RASSF8: variants seen among roughly 807,000 people sequenced by gnomAD.
RASSF8 encodes the protein ras association domain-containing protein 8.
In RASSF8, 22 loss-of-function variants were observed where a neutral mutation model predicts 48.5. The ratio of observed to expected loss-of-function variants is 0.45; its 90% CI spans 0.32 to 0.65. The LOEUF is 0.65. Among genes scored for constraint, RASSF8 ranks in the 30% least tolerant of loss-of-function variants. The pLI, the probability that RASSF8 is intolerant of heterozygous loss-of-function variation, is 0.03. For missense variants in RASSF8, 418 were observed against 489.2 expected (o/e 0.85, Z 1.37); for synonymous variants, 127 against 171.5 (o/e 0.74, Z 2.03).
chr12:26,071,776 A>G lies in RASSF8; in HGVS notation c.*2958A>G, dbSNP rs939640090. ...TTCAAATTAGTCATAAACAAGAGCT[A>G]CAGCAAGACTGATAGAGTAAAAACT... is the stretch of plus-strand genomic sequence containing the variant. On this transcript the variant is annotated 3_prime_UTR_variant, in exon 6 of 6. Coordinates refer to ENST00000689635, the MANE Select transcript of RASSF8 (RefSeq NM_001394098.1). The G allele has an allele frequency of 9.0e-5, 88 of 982,626 alleles. No homozygotes were observed. Among genetic ancestry groups the G allele is most frequent in the Non-Finnish European group, 9.9e-5 (82 of 827,656 alleles). The allele number at this position is 982,626 out of a possible 1,614,324, so 60.9% of individuals were successfully genotyped here. A position where few individuals can be genotyped will look rare whatever the true frequency, so the allele number is the denominator to read the frequency against.
At chr12:25,974,430 G>A (rs1477418857) in intron 1 of RASSF8, among the ~76,000 whole-genome samples, 2 of 151,992 alleles carry the variant, frequency 1.3e-5, no homozygotes, top group East Asian at 3.9e-4. Flanking sequence ...ATCCTACAAG[G>A]GATGGCTAGG....
downstream of RASSF8, among the ~76,000 whole-genome samples, chr12:26,073,772 CACACAT>C (rs1463922352): frequency 3.0e-5 from 4 of 133,366 alleles, no homozygotes; most frequent in South Asian, 4.8e-4. Flanking sequence ...CACACACACA[CACACAT>C]ATATATATAC....
chr12:26,031,562 G>T (rs567315484), intron 2 of RASSF8, among the ~76,000 whole-genome samples: 2 of 152,272 alleles, frequency 1.3e-5, no homozygotes, highest in South Asian at 2.1e-4. Flanking sequence ...TCACAGAGAG[G>T]TGTAAGCAAC....
downstream of RASSF8, among the ~76,000 whole-genome samples, chr12:26,073,217 C>T (rs1243941622): frequency 1.3e-5 from 2 of 152,178 alleles, no homozygotes; most frequent in African/African-American, 4.8e-5. Flanking sequence ...TAAACATTCA[C>T]AGCCATCCAA....
chr12:26,075,552 A>C (rs996856474), downstream of RASSF8, among the ~76,000 whole-genome samples: 2 of 152,064 alleles, frequency 1.3e-5, no homozygotes, highest in African/African-American at 4.8e-5. Flanking sequence ...TTCTATATCC[A>C]CCACTCTCTT....
chr12:26,025,860 A>G (rs1042662629), intron 2 of RASSF8, among the ~76,000 whole-genome samples: 9 of 152,098 alleles, frequency 5.9e-5, no homozygotes, highest in Admixed American at 1.3e-4. Context: ...ACTGAAAACT[A>G]TAATACATTG....
At chr12:26,042,364 A>T (rs1943283347) in intron 2 of RASSF8, among the ~76,000 whole-genome samples, 2 of 152,190 alleles carry the variant, frequency 1.3e-5, no homozygotes, top group African/African-American at 4.8e-5. Context: ...ATTCAGATAG[A>T]TAATTTATAA....
At chr12:26,015,682 TAGAATA>T (rs1942632153) in intron 2 of RASSF8, among the ~76,000 whole-genome samples, 1 of 152,218 alleles carries the variant, frequency 6.6e-6, no homozygotes, top group Admixed American at 6.5e-5. Context: ...GTGATGTTGT[TAGAATA>T]AGAAAACAAT....
At chr12:25,984,224 CTTT>C (rs57275940) in intron 1 of RASSF8, among the ~76,000 whole-genome samples, 7 of 86,724 alleles carry the variant, frequency 8.1e-5, no homozygotes, top group African/African-American at 1.8e-4. Context: ...CTACACGTAG[CTTT>C]TTTTTTTTTT....
At chr12:26,039,774 G>A (rs571241534) in intron 2 of RASSF8, among the ~76,000 whole-genome samples, 8 of 152,258 alleles carry the variant, frequency 5.3e-5, no homozygotes, top group African/African-American at 1.2e-4. Context: ...GAGTTGAGGC[G>A]AAAACTTTTG....
intron 2 of RASSF8, among the ~76,000 whole-genome samples, chr12:25,995,786 A>T (rs942520170): frequency 6.6e-6 from 1 of 152,204 alleles, no homozygotes; most frequent in African/African-American, 2.4e-5. Context: ...GAGGGAAAAT[A>T]ATTTGACCTT....
intron 3 of RASSF8, among the ~76,000 whole-genome samples, chr12:26,062,267 G>T (rs867542361): frequency 6.6e-6 from 1 of 152,226 alleles, no homozygotes; most frequent in Middle Eastern, 3.4e-3. Flanking sequence ...TGTGTCATGT[G>T]GTTTTTCTTT....
intron 1 of RASSF8, among the ~76,000 whole-genome samples, chr12:25,986,921 T>TG (rs1262669407): frequency 2.2e-4 from 30 of 137,096 alleles, no homozygotes; most frequent in South Asian, 4.7e-4. Flanking sequence ...ACTACCGTTT[T>TG]TTTTTTTTGT....
intron 3 of RASSF8, among the ~76,000 whole-genome samples, chr12:26,056,180 C>A (rs1943598710): frequency 1.3e-5 from 2 of 152,062 alleles, no homozygotes; most frequent in South Asian, 2.1e-4. Context: ...GAAACTCGGT[C>A]TCAATAAATA....
intron 2 of RASSF8, among the ~76,000 whole-genome samples, chr12:26,017,739 A>G (rs757885563): frequency 6.6e-6 from 1 of 152,262 alleles, no homozygotes; most frequent in Non-Finnish European, 1.5e-5. Flanking sequence ...GGAAGCCCCC[A>G]TGCCACAGGA....
intron 5 of RASSF8, among the ~76,000 whole-genome samples, chr12:26,068,096 T>G (rs540575784): frequency 3.9e-5 from 6 of 152,104 alleles, no homozygotes. Context: ...AATAAACTAC[T>G]TGTATTCAGT....
chr12:26,002,436 A>G lies in RASSF8; in HGVS notation c.-109+7306A>G, dbSNP rs142506177. Among the ~76,000 whole-genome samples, 310 of 151,700 alleles carry G rather than the reference A, an allele frequency of 2.0e-3. 2 individuals are homozygous for G. Among genetic ancestry groups the G allele is most frequent in the African/African-American group, 7.2e-3 (298 of 41,316 alleles). On this transcript the variant is annotated intron_variant, in intron 2 of 5. Transcript: ENST00000689635. The stretch of plus-strand genomic sequence containing the variant: ...TGAAAGAGCAAAACTCCATCTCAAA[A>G]ACAAACAAACAAAAAAAAACAAATA...
At chr12:26,030,767 G>A (rs1409275912) in intron 2 of RASSF8, among the ~76,000 whole-genome samples, 2 of 151,772 alleles carry the variant, frequency 1.3e-5, no homozygotes, top group African/African-American at 4.8e-5. Flanking sequence ...GACTTAAAAA[G>A]TATTTCCTCA....
chr12:25,989,834 A>G (rs1941973092), intron 1 of RASSF8, among the ~76,000 whole-genome samples: 1 of 152,038 alleles, frequency 6.6e-6, no homozygotes, highest in Non-Finnish European at 1.5e-5. Context: ...ACATTTGCTA[A>G]GAGCAGCATG....
Sources: allele counts gnomAD v4.1 joint callset (sites outside exome capture counted in the v4.1 genomes callset), GRCh38; gene constraint gnomAD v4.1.1; transcripts MANE v1.5; gene names NCBI Gene and HGNC (gene_info 2026-07-23, HGNC 2026-07-21).